Variants in METTL24 observed in about 807,000 individuals in gnomAD.
The protein encoded by METTL24 is probable methyltransferase-like protein 24.
In METTL24, 29 loss-of-function variants were observed where a neutral mutation model predicts 32.7. The observed-to-expected ratio is 0.89, with a 90% CI of 0.66 to 1.21. The LOEUF (loss-of-function observed/expected upper bound fraction) is 1.21, where lower values mean the gene tolerates loss of function less well. Ranked by LOEUF, METTL24 falls within the 50% of genes most tolerant of loss-of-function variation. The probability of loss-of-function intolerance (pLI) is 0.00; values close to 1 mark genes in which losing one functional copy is unlikely to be tolerated. For synonymous variants in METTL24, 163 were observed against 179.5 expected (o/e 0.91, Z 0.73); for missense variants, 439 against 468.1 (o/e 0.94, Z 0.57).
chr6:110,289,656 C>A (rs1186504210), intron 4 of METTL24, among the ~76,000 whole-genome samples: 1 of 151,950 alleles, frequency 6.6e-6, no homozygotes, highest in Non-Finnish European at 1.5e-5. Context: ...CAAAATACAT[C>A]TAAAAAGAAC....
intron 4 of METTL24, among the ~76,000 whole-genome samples, chr6:110,255,588 T>C (rs1172536241): frequency 1.3e-5 from 2 of 152,178 alleles, no homozygotes; most frequent in African/African-American, 4.8e-5. Flanking sequence ...GCAGCTGCTT[T>C]TCTGTCTTCA....
chr6:110,335,631 T>G (rs1772211381), intron 1 of METTL24, among the ~76,000 whole-genome samples: 1 of 147,596 alleles, frequency 6.8e-6, no homozygotes. Context: ...TTCACTATAT[T>G]GCCCAGGCTA....
At chr6:110,299,597 T>C (rs1256835841) in intron 3 of METTL24, among the ~76,000 whole-genome samples, 1 of 152,166 alleles carries the variant, frequency 6.6e-6, no homozygotes, top group African/African-American at 2.4e-5. Flanking sequence ...TGTATGCAAT[T>C]TGACTTAAAG....
chr6:110,290,186 G>A (rs977795707), intron 4 of METTL24, among the ~76,000 whole-genome samples: 3 of 151,984 alleles, frequency 2.0e-5, no homozygotes, highest in African/African-American at 7.3e-5. Flanking sequence ...CAAAGTGCTG[G>A]GATTACAGGT....
chr6:110,283,158 T>C (rs896391497), intron 4 of METTL24, among the ~76,000 whole-genome samples: 1 of 152,216 alleles, frequency 6.6e-6, no homozygotes, highest in Middle Eastern at 3.4e-3. Context: ...GCTCTAAGAA[T>C]AGAAAGAACA....
chr6:110,277,005 T>G (rs1268086196), intron 4 of METTL24, among the ~76,000 whole-genome samples: 1 of 152,148 alleles, frequency 6.6e-6, no homozygotes, highest in Admixed American at 6.5e-5. Context: ...ACAAGAAGCC[T>G]ACTGAAAGAA....
rs1224971425 is a variant in METTL24 at position 110,302,548 on chromosome 6, CAT to C, written c.558-3400_558-3399del. On this transcript the variant is annotated intron_variant, in intron 3 of 4. Coordinates refer to ENST00000338882, the MANE Select transcript of METTL24 (RefSeq NM_001123364.3). The stretch of plus-strand genomic sequence containing the variant: ...GTGTATATATACACATATACACACA[CAT>C]ATGTGTATATATACACACATACACA... 2.6e-3 allele frequency among the ~76,000 whole-genome samples: 286 copies of C among 108,540 alleles called. 12 individuals are homozygous for C. Among genetic ancestry groups the C allele is most frequent in the African/African-American group, 0.014 (256 of 18,420 alleles). 71.2% of individuals were successfully genotyped at this position (108,540 alleles called of 152,430 possible).
chr6:110,319,071 A>AGAG (rs947935641), intron 2 of METTL24, among the ~76,000 whole-genome samples: 1 of 152,236 alleles, frequency 6.6e-6, no homozygotes. Flanking sequence ...GTATCCCAAA[A>AGAG]GCTTGAATGG....
chr6:110,338,805 T>C (rs1473480297), intron 1 of METTL24, among the ~76,000 whole-genome samples: 2 of 152,230 alleles, frequency 1.3e-5, no homozygotes, highest in South Asian at 2.1e-4. Flanking sequence ...CTGAGCTAAT[T>C]AGTCTATAAT....
At chr6:110,342,028 A>C (rs1772368652) in intron 1 of METTL24, among the ~76,000 whole-genome samples, 1 of 152,214 alleles carries the variant, frequency 6.6e-6, no homozygotes, top group African/African-American at 2.4e-5. Context: ...AGAAGGGCCA[A>C]GGTAGCTGAA....
intron 3 of METTL24, among the ~76,000 whole-genome samples, chr6:110,302,482 TAC>T (rs370988926): frequency 1.4e-5 from 1 of 71,894 alleles, no homozygotes. Flanking sequence ...TATACACATA[TAC>T]ACACATATGT....
At chr6:110,330,004 T>C (rs1772085483) in intron 1 of METTL24, among the ~76,000 whole-genome samples, 1 of 152,228 alleles carries the variant, frequency 6.6e-6, no homozygotes, top group Non-Finnish European at 1.5e-5. Context: ...ACCATTGCTT[T>C]TCCTTCTGGT....
chr6:110,335,562 CATTG>C (rs1426071384), intron 1 of METTL24, among the ~76,000 whole-genome samples: 3 of 106,852 alleles, frequency 2.8e-5, no homozygotes, highest in Non-Finnish European at 3.6e-5. Context: ...TGTAGGGAAT[CATTG>C]TTTTTTTTTT....
At chr6:110,332,022 G>A (rs1035509149) in intron 1 of METTL24, among the ~76,000 whole-genome samples, 2 of 152,176 alleles carry the variant, frequency 1.3e-5, no homozygotes, top group Middle Eastern at 3.2e-3. Flanking sequence ...CAGACAGCAG[G>A]CATGCTGAAA....
chr6:110,303,169 G>A (rs754342175), intron 3 of METTL24, among the ~76,000 whole-genome samples: 13 of 152,178 alleles, frequency 8.5e-5, no homozygotes, highest in Non-Finnish European at 1.8e-4. Flanking sequence ...ATAACCCACA[G>A]ACCAGGAGAT....
At chr6:110,275,296 A>G (rs1771028916) in intron 4 of METTL24, among the ~76,000 whole-genome samples, 1 of 150,974 alleles carries the variant, frequency 6.6e-6, no homozygotes, top group African/African-American at 2.4e-5. Context: ...CCTAAGCCCA[A>G]CCCCCCTTTC....
chr6:110,294,605 T>A (rs555130063), intron 4 of METTL24, among the ~76,000 whole-genome samples: 1 of 152,068 alleles, frequency 6.6e-6, no homozygotes, highest in Non-Finnish European at 1.5e-5. Flanking sequence ...AAAGACATTA[T>A]CAGGTTGGGT....
intron 4 of METTL24, among the ~76,000 whole-genome samples, chr6:110,291,218 AT>A (rs1454028863): frequency 6.6e-6 from 1 of 152,000 alleles, no homozygotes; most frequent in East Asian, 1.9e-4. Context: ...TCTTTTTAAA[AT>A]TTTTTTATGG....
intron 1 of METTL24, among the ~76,000 whole-genome samples, chr6:110,348,141 C>A (rs551959856): frequency 6.6e-5 from 10 of 152,356 alleles, no homozygotes; most frequent in Admixed American, 5.9e-4. Context: ...TGAACTCTTT[C>A]CATGTGAACA....
Sources: gnomAD v4.1 joint callset for allele counts (sites outside exome capture counted in the v4.1 genomes callset) on GRCh38, gnomAD v4.1.1 for gene constraint, MANE v1.5 for transcripts, NCBI Gene and HGNC (gene_info 2026-07-23, HGNC 2026-07-21) for gene names.